The following ARHGAP42 variants were observed in gnomAD, a reference collection of about 807,000 sequenced individuals.
The protein encoded by ARHGAP42 is Rho GTPase activating protein 42.
In ARHGAP42, 63 loss-of-function variants were observed where a neutral mutation model predicts 125.0. The ratio of observed to expected loss-of-function variants is 0.50; its 90% confidence interval spans 0.41 to 0.62. The LOEUF is 0.62. Ranked by LOEUF, ARHGAP42 falls within the 20% of genes least tolerant of loss-of-function variation. The pLI, the probability that ARHGAP42 is intolerant of heterozygous loss-of-function variation, is 0.00. For missense variants in ARHGAP42, 766 were observed against 1,024.2 expected, an observed-to-expected ratio of 0.75 and a Z score of 3.44; for synonymous variants, 339 against 351.0, an observed-to-expected ratio of 0.97 and a Z score of 0.38.
intron 3 of ARHGAP42, among the ~76,000 whole-genome samples, chr11:100,833,450 A>G (rs1441580174): frequency 6.6e-6 from 1 of 152,196 alleles, no homozygotes; most frequent in East Asian, 1.9e-4. Flanking sequence ...CAGGGCTCAG[A>G]TGGGACAGCT....
At chr11:100,900,060 A>T (rs56320976) in intron 4 of ARHGAP42, among the ~76,000 whole-genome samples, 42,019 of 151,826 alleles carry the variant, frequency 0.28, 7,163 homozygotes, top group East Asian at 0.75. Context: ...GTTTCTTTCC[A>T]TGTTTAGTGC....
chr11:100,892,548 C>T (rs901215309), intron 4 of ARHGAP42, among the ~76,000 whole-genome samples: 3 of 152,208 alleles, frequency 2.0e-5, no homozygotes, highest in Admixed American at 6.5e-5. Flanking sequence ...TATAAAGAAA[C>T]CATTCTTATA....
chr11:100,739,876 A>C (rs1862146412), intron 1 of ARHGAP42, among the ~76,000 whole-genome samples: 1 of 152,110 alleles, frequency 6.6e-6, no homozygotes, highest in African/African-American at 2.4e-5. Flanking sequence ...CAACACACAC[A>C]ACTGCTGAGT....
intron 1 of ARHGAP42, among the ~76,000 whole-genome samples, chr11:100,713,372 A>G (rs1470485181): frequency 4.6e-5 from 7 of 152,200 alleles, no homozygotes; most frequent in Non-Finnish European, 1.0e-4. Flanking sequence ...AAACTGCTAC[A>G]GTCTTGTAAG....
intron 2 of ARHGAP42, among the ~76,000 whole-genome samples, chr11:100,783,481 CAGA>C (rs1412061061): frequency 6.6e-6 from 1 of 152,108 alleles, no homozygotes; most frequent in East Asian, 1.9e-4. Flanking sequence ...GTGGTATATG[CAGA>C]AGAAGGCACA....
intron 3 of ARHGAP42, among the ~76,000 whole-genome samples, chr11:100,827,071 G>A (rs1050156379): frequency 3.1e-5 from 4 of 127,352 alleles, no homozygotes; most frequent in East Asian, 4.9e-4. Context: ...TGGCGTTACC[G>A]CAGCTCACTG....
At chr11:100,983,828 T>C (rs1489514602) in intron 22 of ARHGAP42, among the ~76,000 whole-genome samples, 1 of 152,178 alleles carries the variant, frequency 6.6e-6, no homozygotes, top group Non-Finnish European at 1.5e-5. Context: ...GAAAAGAACA[T>C]GTAATTAATT....
rs922541218 is a variant in ARHGAP42 at position 100,976,146 on chromosome 11, A to G, written c.1945A>G (p.Lys649Glu). 1.3e-6 allele frequency: 2 copies of G among 1,551,544 alleles called. No homozygotes were observed. The highest frequency in any genetic ancestry group is 1.4e-5 in the African/African-American group (1 of 73,004). ...SHSSEQNSTT[K>E]SASCQPREKS... ...TTCCTCTGAACAAAATAGCACTACA[A>G]AGTCAGCTTCCTGCCAGCCCAGGGA... The change falls in exon 20 of 24, where the codon AAG (lysine) becomes GAG (glutamate). Residue 649 changes from lysine to glutamate, a missense_variant. This residue lies in a region of ARHGAP42 where 308 missense variants were observed against 369.7 expected (regional missense o/e 0.83). Transcript: ENST00000298815.
At chr11:100,795,019 A>C in intron 2 of ARHGAP42, 86 bp from the exon 3 acceptor site, 2 of 1,009,848 alleles carry the variant, frequency 2.0e-6, no homozygotes, top group South Asian at 1.6e-5. Context: ...ATTAATAACC[A>C]GCTTTCTTGT....
At chr11:100,927,328 GA>G (rs1167087652) in intron 6 of ARHGAP42, among the ~76,000 whole-genome samples, 5 of 151,064 alleles carry the variant, frequency 3.3e-5, no homozygotes, top group Admixed American at 1.3e-4. Flanking sequence ...TAGTAAAAGT[GA>G]AAAAAATAAG....
At chr11:100,954,287 C>T (rs1215994369) in intron 12 of ARHGAP42, among the ~76,000 whole-genome samples, 1 of 152,268 alleles carries the variant, frequency 6.6e-6, no homozygotes, top group South Asian at 2.1e-4. Context: ...CCATTGTGCA[C>T]CTACTCTACT....
chr11:100,707,330 T>G (rs1393897131), intron 1 of ARHGAP42, among the ~76,000 whole-genome samples: 2 of 152,182 alleles, frequency 1.3e-5, no homozygotes, highest in Non-Finnish European at 2.9e-5. Context: ...AAAGAGAAAC[T>G]TAAGTTTATA....
intron 3 of ARHGAP42, among the ~76,000 whole-genome samples, chr11:100,845,454 C>T (rs1163750917): frequency 6.6e-6 from 1 of 151,944 alleles, no homozygotes; most frequent in Non-Finnish European, 1.5e-5. Flanking sequence ...CACTAAAGAA[C>T]TTACTAATGT....
At chr11:100,827,310 A>C (rs1030797965) in intron 3 of ARHGAP42, among the ~76,000 whole-genome samples, 2 of 152,146 alleles carry the variant, frequency 1.3e-5, no homozygotes, top group Non-Finnish European at 2.9e-5. Context: ...GCCAAGCCTT[A>C]CATCTTTACA....
intron 2 of ARHGAP42, among the ~76,000 whole-genome samples, chr11:100,779,631 C>T (rs1291638211): frequency 2.5e-5 from 3 of 119,058 alleles, no homozygotes; most frequent in Non-Finnish European, 5.4e-5. Flanking sequence ...TACTATGGTT[C>T]TTTTCAGTAT....
intron 1 of ARHGAP42, among the ~76,000 whole-genome samples, chr11:100,762,292 G>A (rs1303577521): frequency 6.6e-6 from 1 of 152,138 alleles, no homozygotes; most frequent in Non-Finnish European, 1.5e-5. Context: ...TTGGAATACA[G>A]CACATTACTG....
Position 100,869,094 on chromosome 11 carries a change from A to C in ARHGAP42, c.384+9469A>C, listed in dbSNP as rs181826153. Among the ~76,000 whole-genome samples the C allele has an allele frequency of 4.8e-3, 729 of 152,146 alleles. 4 individuals carry two copies. The highest frequency in any genetic ancestry group is 8.1e-3 in the Non-Finnish European group (551 of 67,980). ...CAAAAATCAGCACGGAGACAACAAC[A>C]ACAAATCTGTGTTGGTTTTTGAATA... On this transcript the variant is annotated intron_variant, in intron 4 of 23. Transcript: ENST00000298815.
chr11:100,721,739 G>A (rs148096302), intron 1 of ARHGAP42, among the ~76,000 whole-genome samples: 2,471 of 152,188 alleles, frequency 0.016, 33 homozygotes, highest in Non-Finnish European at 0.021. Flanking sequence ...CCCTCAAAGT[G>A]CTGGAATTAC....
chr11:100,699,963 T>G (rs1282601267), intron 1 of ARHGAP42, among the ~76,000 whole-genome samples: 1 of 152,208 alleles, frequency 6.6e-6, no homozygotes, highest in African/African-American at 2.4e-5. Flanking sequence ...TATTCTTGGC[T>G]TGTAGATGTA....
Sources: allele counts gnomAD v4.1 joint callset (sites outside exome capture counted in the v4.1 genomes callset), GRCh38; gene constraint gnomAD v4.1.1; regional missense constraint gnomAD v4.1.1; transcripts MANE v1.5; gene names NCBI Gene and HGNC (gene_info 2026-07-23, HGNC 2026-07-21).